The following PAK5 variants were observed in gnomAD, a reference collection of about 807,000 sequenced individuals.
PAK5 encodes p21 (RAC1) activated kinase 5.
In PAK5, 16 loss-of-function variants were observed where a neutral mutation model predicts 65.9. That is an observed-to-expected ratio of 0.24 (90% CI 0.16 to 0.37). The LOEUF (loss-of-function observed/expected upper bound fraction) is 0.37. PAK5 is among the 10% of genes least tolerant of loss of function. The pLI is 1.00. For missense variants in PAK5, 785 were observed against 903.9 expected (o/e 0.87, Z 1.69); for synonymous variants, 371 against 354.9 (o/e 1.05, Z -0.51).
intron 3 of PAK5, among the ~76,000 whole-genome samples, chr20:9,584,023 G>A (rs1366116306): frequency 6.6e-6 from 1 of 152,126 alleles, no homozygotes; most frequent in African/African-American, 2.4e-5. Context: ...TGAGGGTGGT[G>A]CATAAATTGA....
chr20:9,610,072 C>T (rs780611457), intron 3 of PAK5, among the ~76,000 whole-genome samples: 1 of 152,186 alleles, frequency 6.6e-6, no homozygotes, highest in African/African-American at 2.4e-5. Context: ...CTCAAGCCTG[C>T]CCCCTGGTGT....
intron 1 of PAK5, among the ~76,000 whole-genome samples, chr20:9,744,001 G>A (rs2048479407): frequency 6.6e-6 from 1 of 152,172 alleles, no homozygotes; most frequent in Admixed American, 6.5e-5. Flanking sequence ...AGATAGCAAT[G>A]TGAAGAGAGG....
chr20:9,721,491 T>C (rs929709443), intron 1 of PAK5, among the ~76,000 whole-genome samples: 1 of 151,310 alleles, frequency 6.6e-6, no homozygotes, highest in Non-Finnish European at 1.5e-5. Context: ...CTACTAAAAA[T>C]ACAAAAATAA....
chr20:9,675,548 G>A (rs1369030173), intron 2 of PAK5, among the ~76,000 whole-genome samples: 5 of 151,932 alleles, frequency 3.3e-5, no homozygotes, highest in Non-Finnish European at 7.4e-5. Context: ...TCTCTCTGTT[G>A]CCCAGGTTGG....
At chr20:9,618,680 T>G (rs1344892945) in intron 3 of PAK5, among the ~76,000 whole-genome samples, 1 of 151,906 alleles carries the variant, frequency 6.6e-6, no homozygotes, top group African/African-American at 2.4e-5. Context: ...CCCAAAGTGC[T>G]GGGATTACAG....
chr20:9,737,407 CATA>C, intron 1 of PAK5, among the ~76,000 whole-genome samples: 1 of 152,116 alleles, frequency 6.6e-6, no homozygotes, highest in African/African-American at 2.4e-5. Flanking sequence ...GGATAAATTT[CATA>C]ACAATAAAAG....
intron 3 of PAK5, among the ~76,000 whole-genome samples, chr20:9,611,683 T>A (rs984525398): frequency 1.3e-5 from 2 of 152,192 alleles, no homozygotes; most frequent in Non-Finnish European, 2.9e-5. Context: ...TCTTCACCTA[T>A]CTTTCATAAC....
intron 1 of PAK5, among the ~76,000 whole-genome samples, chr20:9,828,498 G>C (rs1978456066): frequency 6.6e-6 from 1 of 152,034 alleles, no homozygotes; most frequent in African/African-American, 2.4e-5. Context: ...TCCTACTTTA[G>C]AGGAAGAATC....
chr20:9,618,063 A>C (rs1441286227), intron 3 of PAK5, among the ~76,000 whole-genome samples: 1 of 152,196 alleles, frequency 6.6e-6, no homozygotes, highest in Non-Finnish European at 1.5e-5. Flanking sequence ...AGGTAATATT[A>C]GTATAAGGAA....
Position 9,589,300 on chromosome 20 carries a change from G to A in PAK5, c.205-8370C>T, listed in dbSNP as rs926875722. Among the ~76,000 whole-genome samples, 51 of 152,274 alleles carry A rather than the reference G, an allele frequency of 3.3e-4. 1 individual carries two copies. Among genetic ancestry groups the A allele is most frequent in the Non-Finnish European group, 1.0e-4 (7 of 68,012 alleles). ...TTGTTTTTATTAAGGCAGGTAGCTGGAAACATCAGGTAACATAGTCACAAC... is the reference window on the plus strand; with the variant it reads ...TTGTTTTTATTAAGGCAGGTAGCTGAAAACATCAGGTAACATAGTCACAAC... On this transcript the variant is annotated intron_variant, in intron 3 of 9. Coordinates refer to ENST00000353224, the MANE Select transcript of PAK5 (RefSeq NM_177990.4).
At chr20:9,834,856 T>A (rs1036436978) in intron 1 of PAK5, among the ~76,000 whole-genome samples, 6 of 152,172 alleles carry the variant, frequency 3.9e-5, no homozygotes, top group African/African-American at 1.4e-4. Context: ...ACTGAAAGTC[T>A]AGCTCACCAT....
chr20:9,822,742 C>T (rs752376104), intron 1 of PAK5, among the ~76,000 whole-genome samples: 24 of 152,196 alleles, frequency 1.6e-4, no homozygotes, highest in Non-Finnish European at 2.9e-5. Flanking sequence ...CTACTGACTT[C>T]CAACAGTCAG....
At position 9,622,106 on chromosome 20, in the gene PAK5, C is replaced by T. The variant is rs150607601; in HGVS notation, c.204+22019G>A. 6.5e-3 allele frequency among the ~76,000 whole-genome samples: 995 copies of T among 152,262 alleles called. 6 individuals are homozygous for T. Among genetic ancestry groups the T allele is most frequent in the Non-Finnish European group, 8.6e-3 (588 of 68,016 alleles). On this transcript the variant is annotated intron_variant, in intron 3 of 9. Coordinates refer to ENST00000353224, the MANE Select transcript of PAK5 (RefSeq NM_177990.4). ...GGACTGGGAAACCTATACTCAACCA[C>T]GATATAATTCACTCATTAGCAAAAC...
intron 1 of PAK5, among the ~76,000 whole-genome samples, chr20:9,785,826 G>A (rs1244817720): frequency 1.3e-5 from 2 of 152,134 alleles, no homozygotes; most frequent in Non-Finnish European, 2.9e-5. Context: ...TTGTTAAAGT[G>A]GCATGTCTGT....
intron 2 of PAK5, among the ~76,000 whole-genome samples, chr20:9,665,869 G>T (rs996187579): frequency 2.6e-5 from 4 of 152,012 alleles, no homozygotes; most frequent in African/African-American, 9.7e-5. Flanking sequence ...CTTAGAAATG[G>T]TGATAATTAG....
intron 1 of PAK5, among the ~76,000 whole-genome samples, chr20:9,737,689 C>G (rs1000290822): frequency 6.6e-6 from 1 of 152,054 alleles, no homozygotes; most frequent in South Asian, 2.1e-4. Context: ...ATGAATAGCC[C>G]TTCATGAATA....
chr20:9,690,244 A>G (rs2078961107), intron 2 of PAK5, among the ~76,000 whole-genome samples: 1 of 152,198 alleles, frequency 6.6e-6, no homozygotes, highest in South Asian at 2.1e-4. Context: ...ACCATCTAAA[A>G]TGCCCCCATG....
chr20:9,691,529 C>T (rs2047797667), intron 2 of PAK5, among the ~76,000 whole-genome samples: 1 of 152,134 alleles, frequency 6.6e-6, no homozygotes, highest in African/African-American at 2.4e-5. Flanking sequence ...AAATAGTAAA[C>T]AACCTTATTC....
chr20:9,544,258 TG>T, intron 8 of PAK5, 110 bp downstream of exon 8: 1 of 1,164,996 alleles, frequency 8.6e-7, no homozygotes, highest in Non-Finnish European at 1.2e-6. Flanking sequence ...GGATCAAATG[TG>T]GAGCTAAAAG....
Sources: allele counts gnomAD v4.1 joint callset (sites outside exome capture counted in the v4.1 genomes callset), GRCh38; gene constraint gnomAD v4.1.1; transcripts MANE v1.5; gene names NCBI Gene and HGNC (gene_info 2026-07-23, HGNC 2026-07-21).